GSTCD: variants seen among roughly 807,000 people sequenced by gnomAD.
GSTCD encodes glutathione S-transferase C-terminal domain-containing protein.
A neutral mutation model predicts 68.3 loss-of-function variants in GSTCD; 44 were observed. The ratio of observed to expected loss-of-function variants is 0.64; its 90% CI spans 0.51 to 0.83. The LOEUF (loss-of-function observed/expected upper bound fraction) is 0.83. Among genes scored for constraint, GSTCD ranks in the 40% least tolerant of loss-of-function variants. The probability of loss-of-function intolerance (pLI) is 0.00; values close to 1 mark genes in which losing one functional copy is unlikely to be tolerated. For synonymous variants in GSTCD, 273 were observed against 255.2 expected, an observed-to-expected ratio of 1.07 and a Z score of -0.67; for missense variants, 739 against 735.9, an observed-to-expected ratio of 1.00 and a Z score of -0.05.
chr4:105,777,724 C>T (rs1353883947), intron 5 of GSTCD, among the ~76,000 whole-genome samples: 1 of 152,150 alleles, frequency 6.6e-6, no homozygotes, highest in East Asian at 1.9e-4. Context: ...TTGGTTTTCT[C>T]ATCTGCAAAA....
intron 5 of GSTCD, among the ~76,000 whole-genome samples, chr4:105,770,255 T>G (rs77234543): frequency 4.7e-4 from 72 of 152,342 alleles, no homozygotes; most frequent in Non-Finnish European, 8.1e-4. Flanking sequence ...ATGTTTTTCT[T>G]TTACTTAGCG....
At chr4:105,760,169 A>C (rs1386010869) in intron 5 of GSTCD, among the ~76,000 whole-genome samples, 2 of 1,656 alleles carry the variant, frequency 1.2e-3, no homozygotes, top group Non-Finnish European at 2.1e-3. Context: ...AAAATAGGCA[A>C]AAAAAAAAAA....
chr4:105,840,429 A>G (rs898363689), intron 10 of GSTCD: 1 of 237,438 alleles, frequency 4.2e-6, no homozygotes, highest in East Asian at 9.7e-5. Flanking sequence ...TTTTTTAAGC[A>G]TACAAGTTTA....
At position 105,736,053 on chromosome 4, in the gene GSTCD, T is replaced by A. The variant is rs1733452647; in HGVS notation, c.1240+6554T>A. Among the ~76,000 whole-genome samples, 5 of 152,314 alleles carry A rather than the reference T, an allele frequency of 3.3e-5. No homozygotes were observed. The South Asian group carries it at 1.0e-3, about 32-fold the overall frequency. ...TATTGTTTGGTTTTAAGCTAAATGA[T>A]TATATTTTTCTTTGCTGGAAATAAT... On this transcript the variant is annotated intron_variant, in intron 5 of 11. Transcript: ENST00000515279.
At chr4:105,757,621 T>C (rs939429580) in intron 5 of GSTCD, among the ~76,000 whole-genome samples, 1 of 152,192 alleles carries the variant, frequency 6.6e-6, no homozygotes, top group Non-Finnish European at 1.5e-5. Context: ...ATATAGCTTG[T>C]GTTATATAGG....
chr4:105,734,287 A>G (rs1005551416), intron 5 of GSTCD, among the ~76,000 whole-genome samples: 1 of 152,138 alleles, frequency 6.6e-6, no homozygotes. Flanking sequence ...CGTGTTTTCC[A>G]ACTTGGTTCC....
intron 5 of GSTCD, among the ~76,000 whole-genome samples, chr4:105,730,307 G>A (rs1733189129): frequency 6.6e-6 from 1 of 152,158 alleles, no homozygotes; most frequent in Admixed American, 6.5e-5. Context: ...AGCTCCTTGA[G>A]GAATCACCAC....
chr4:105,839,935 A>G (rs1724271590), intron 10 of GSTCD, among the ~76,000 whole-genome samples: 1 of 152,134 alleles, frequency 6.6e-6, no homozygotes, highest in African/African-American at 2.4e-5. Flanking sequence ...ACCAGTCATA[A>G]CCTTTATCTA....
chr4:105,782,718 G>A (rs1269638489), intron 5 of GSTCD, among the ~76,000 whole-genome samples: 1 of 151,944 alleles, frequency 6.6e-6, no homozygotes, highest in African/African-American at 2.4e-5. Context: ...TAGTAGCTGG[G>A]ATTACAGGCA....
chr4:105,750,178 C>CT (rs1733958172), intron 5 of GSTCD, among the ~76,000 whole-genome samples: 1 of 152,114 alleles, frequency 6.6e-6, no homozygotes, highest in South Asian at 2.1e-4. Flanking sequence ...AGTAACAACA[C>CT]TGAGGCCGGG....
intron 7 of GSTCD, chr4:105,823,518 A>G: frequency 3.0e-6 from 1 of 334,216 alleles, no homozygotes; most frequent in Non-Finnish European, 5.4e-6. Flanking sequence ...GTAATTTTTC[A>G]AAGAAGTAGC....
intron 5 of GSTCD, among the ~76,000 whole-genome samples, chr4:105,786,399 C>A (rs1735466355): frequency 6.6e-6 from 1 of 151,902 alleles, no homozygotes; most frequent in Admixed American, 6.6e-5. Context: ...GTAGTCCCAG[C>A]TACTAAGGAG....
chr4:105,748,731 G>A (rs1466586238), intron 5 of GSTCD, among the ~76,000 whole-genome samples: 1 of 151,670 alleles, frequency 6.6e-6, no homozygotes, highest in Non-Finnish European at 1.5e-5. Flanking sequence ...TATTACATAC[G>A]ATATGTATTA....
intron 5 of GSTCD, among the ~76,000 whole-genome samples, chr4:105,776,359 C>T (rs1045877635): frequency 6.6e-6 from 1 of 152,118 alleles, no homozygotes; most frequent in African/African-American, 2.4e-5. Context: ...TTTTGTCTCG[C>T]TGGCATTCCA....
chr4:105,843,673 A>G (rs1471522695), intron 11 of GSTCD: 1 of 152,160 alleles, frequency 6.6e-6, no homozygotes, highest in South Asian at 2.1e-4. Flanking sequence ...AATGGTATTA[A>G]TTCATTCACT....
intron 8 of GSTCD, among the ~76,000 whole-genome samples, chr4:105,827,374 A>C (rs1000768062): frequency 6.6e-6 from 1 of 152,180 alleles, no homozygotes; most frequent in Non-Finnish European, 1.5e-5. Flanking sequence ...ATAATTTACT[A>C]ATGCCAACTA....
intron 5 of GSTCD, among the ~76,000 whole-genome samples, chr4:105,742,522 C>T (rs551614677): frequency 2.0e-5 from 3 of 152,156 alleles, no homozygotes; most frequent in South Asian, 2.1e-4. Context: ...GCATCATCTG[C>T]GGAATGGAGA....
At chr4:105,826,187 C>A (rs1723596824) in intron 8 of GSTCD, 1 of 152,254 alleles carries the variant, frequency 6.6e-6, no homozygotes, top group African/African-American at 2.4e-5. Context: ...TGTTAGTAAT[C>A]TCTAAATACA....
chr4:105,799,543 G>C lies in GSTCD; in HGVS notation c.1241-23411G>C, dbSNP rs567785087. Among the ~76,000 whole-genome samples, 5 of 152,180 alleles carry C rather than the reference G, an allele frequency of 3.3e-5. No individual in the cohort carries two copies. The South Asian group carries it at 1.0e-3, about 32-fold the overall frequency. ...TAGGAAATAGGGATGCCCAAGGAGAGGGAGAGAGACAGGAGAACAGCTGGT... is the reference window on the plus strand; with the variant it reads ...TAGGAAATAGGGATGCCCAAGGAGACGGAGAGAGACAGGAGAACAGCTGGT... On this transcript the variant is annotated intron_variant, in intron 5 of 11. Transcript: ENST00000515279.
Sources: allele counts gnomAD v4.1 joint callset (sites outside exome capture counted in the v4.1 genomes callset), GRCh38; gene constraint gnomAD v4.1.1; transcripts MANE v1.5; gene names NCBI Gene and HGNC (gene_info 2026-07-23, HGNC 2026-07-21).